Variants in MEA1 observed in about 807,000 individuals in gnomAD.
MEA1 encodes Male-enhanced antigen (H-Y structural gene).
Under a neutral mutation model 21.4 loss-of-function variants are expected in MEA1, and 22 were observed. The observed-to-expected ratio is 1.03, with a 90% CI of 0.73 to 1.47. The LOEUF (loss-of-function observed/expected upper bound fraction) is 1.47. MEA1 is among the 40% of genes most tolerant of loss of function. The pLI, the probability that MEA1 is intolerant of heterozygous loss-of-function variation, is 0.00. For missense variants in MEA1, 233 were observed against 230.5 expected (o/e 1.01, Z -0.07); for synonymous variants, 91 against 85.5 (o/e 1.06, Z -0.35).
chr6:43,013,581 C>A, intron 1 of MEA1, 192 bp from the exon 2 acceptor site: 1 of 810,896 alleles, frequency 1.2e-6, no homozygotes. Context: ...TTATCTTGAA[C>A]CAGGCCCCAC....
Position 43,012,490 on chromosome 6 carries a change from C to A in MEA1, c.538G>T (p.Ala180Ser). 2 of 1,601,668 alleles carry A rather than the reference C, an allele frequency of 1.2e-6. No homozygotes were observed. The highest frequency in any genetic ancestry group is 1.7e-6 in the Non-Finnish European group (2 of 1,175,712). ...VVQKALQARQ[A>S]SPAWK ...TGTGGTCACTTCCAGGCAGGGGATG[C>A]CTGCCGGGCTTGGAGGGCTTTCTGT... Residue 180 changes from alanine (A) to serine (S), a missense_variant, in exon 4 of 4, where the codon GCA becomes TCA. Physicochemically the swap from Ala to Ser is moderately conservative, Grantham distance 99 (BLOSUM62 1). Coordinates refer to ENST00000244711, the MANE Select transcript of MEA1 (RefSeq NM_014623.4).
rs372983071 is a variant in MEA1 at position 43,011,298 on chromosome 6, C to G, written c.*1172G>C. ...AGGAGGCTCTCTGACCCCTCACGTTCCTACCACAGGGCCACAGCCCACACA... is the reference window on the plus strand; with the variant it reads ...AGGAGGCTCTCTGACCCCTCACGTTGCTACCACAGGGCCACAGCCCACACA... On this transcript the variant is annotated 3_prime_UTR_variant, in exon 4 of 4. Transcript: ENST00000244711. 422 of 1,613,378 alleles carry G rather than the reference C, an allele frequency of 2.6e-4. No individual in the cohort carries two copies. The highest frequency in any genetic ancestry group is 3.3e-4 in the Non-Finnish European group (391 of 1,179,934).
Position 43,011,200 on chromosome 6 carries a change from C to A in MEA1, c.*1270G>T, listed in dbSNP as rs762989587. Reference sequence around the variant, plus strand: ...AGTGCTGCTGCGGAGGAAGTCGGAGCTGCCCCAGGACGTGTACACCATCAA... The same window carrying A: ...AGTGCTGCTGCGGAGGAAGTCGGAGATGCCCCAGGACGTGTACACCATCAA... On this transcript the variant is annotated 3_prime_UTR_variant, in exon 4 of 4. Coordinates refer to ENST00000244711, the MANE Select transcript of MEA1 (RefSeq NM_014623.4). 6.2e-7 allele frequency: 1 copy of A among 1,614,020 alleles called. No homozygotes were observed. Among genetic ancestry groups the A allele is most frequent in the East Asian group, 2.2e-5 (1 of 44,900 alleles).
chr6:43,012,840 G>T, intron 3 of MEA1, 86 bp downstream of exon 3: 2 of 1,342,698 alleles, frequency 1.5e-6, no homozygotes, highest in Non-Finnish European at 2.1e-6. Flanking sequence ...TTTTAGGATA[G>T]GGTCTTCCTC....
rs1364005154 is a variant in MEA1, at chr6:43,013,539, C to T, written c.29-150G>A. ...TCCACCCCTCCGCCCCAATTCCAGC[C>T]TCTCGTTCCTCCCCCTCCTAAGTCG... On this transcript the variant is annotated intron_variant, in intron 1 of 3. Transcript: ENST00000244711. The T allele has an allele frequency of 3.3e-6, 3 of 910,164 alleles. No homozygotes were observed. In the African/African-American group the frequency reaches 5.0e-5, roughly 15 times the overall value. 56.4% of individuals were successfully genotyped at this position (910,164 alleles called of 1,614,324 possible).
intron 1 of MEA1, 51 bp from the exon 2 acceptor site, chr6:43,013,440 T>A: frequency 6.3e-7 from 1 of 1,577,358 alleles, no homozygotes; most frequent in South Asian, 1.1e-5. Flanking sequence ...ACCAGGCCCA[T>A]CTTCATCCTC....
intron 1 of MEA1, 153 bp from the exon 2 acceptor site, chr6:43,013,542 T>C: frequency 1.1e-6 from 1 of 904,138 alleles, no homozygotes; most frequent in African/African-American, 1.7e-5. Context: ...TTCCAGCCTC[T>C]CGTTCCTCCC....
Position 43,012,230 on chromosome 6 carries a change from T to C in MEA1, c.*240A>G. The C allele has an allele frequency of 1.8e-5, 22 of 1,203,956 alleles. No individual in the cohort carries two copies. Among genetic ancestry groups the C allele is most frequent in the Non-Finnish European group, 2.3e-5 (22 of 967,558 alleles). 74.6% of individuals were successfully genotyped at this position (1,203,956 alleles called of 1,614,324 possible). A position where few individuals can be genotyped will look rare whatever the true frequency, so the allele number is the denominator to read the frequency against. ...CCAGGGGCGCAGGCAGTGCGGCTTT[T>C]GGCTGTGTACATAGGGTGCTTTATT... is the stretch of plus-strand genomic sequence containing the variant. On this transcript the variant is annotated 3_prime_UTR_variant, in exon 4 of 4. Coordinates refer to ENST00000244711, the MANE Select transcript of MEA1 (RefSeq NM_014623.4).
chr6:43,012,697 C>A, intron 3 of MEA1, 76 bp from the exon 4 acceptor site: 1 of 1,498,528 alleles, frequency 6.7e-7, no homozygotes, highest in Admixed American at 2.3e-5. Flanking sequence ...CGAATCAACC[C>A]AGAGCCCTTG....
Position 43,013,111 on chromosome 6 carries a change from C to G in MEA1, c.303+4G>C. On this transcript the variant is annotated splice_donor_region_variant and intron_variant, in intron 2 of 3. Coordinates refer to ENST00000244711, the MANE Select transcript of MEA1 (RefSeq NM_014623.4). ...GTTCAGGAACCATCCCTCCTCCACC[C>G]TACCTGGATTCGATCCTGGATGTCA... is the stretch of plus-strand genomic sequence containing the variant. 1.2e-6 allele frequency: 2 copies of G among 1,614,108 alleles called. No homozygotes were observed. The highest frequency in any genetic ancestry group is 1.7e-6 in the Non-Finnish European group (2 of 1,180,036).
upstream of MEA1, chr6:43,014,039 C>CA: frequency 2.1e-6 from 3 of 1,421,120 alleles, no homozygotes; most frequent in East Asian, 2.5e-5. Context: ...ATTCCCAGCC[C>CA]AAAAAACAAA....
At chr6:43,016,840 TG>T, upstream of MEA1, 1 of 269,796 alleles carries the variant, frequency 3.7e-6, no homozygotes, top group Non-Finnish European at 7.2e-6. Context: ...AGGGACAGAG[TG>T]GAGCCTCCAC....
chr6:43,013,675 T>C (rs866680832), intron 1 of MEA1, 111 bp downstream of exon 1: 3 of 1,179,314 alleles, frequency 2.5e-6, no homozygotes, highest in Middle Eastern at 2.0e-4. Context: ...GAACCCCGGC[T>C]CCCCGCGCCA....
intron 3 of MEA1, 69 bp downstream of exon 3, chr6:43,012,857 T>G: frequency 1.4e-6 from 2 of 1,459,790 alleles, no homozygotes; most frequent in Non-Finnish European, 1.9e-6. Flanking sequence ...CCTCTGAAAC[T>G]TCCTTCTACT....
At chr6:43,014,004 G>A (rs1009957805), upstream of MEA1, 11 of 1,420,784 alleles carry the variant, frequency 7.7e-6, no homozygotes, top group Middle Eastern at 2.6e-4. Flanking sequence ...AGGACGAGGA[G>A]TCCGCCCCTT....
chr6:43,013,856 C>T lies in MEA1; in HGVS notation c.-43G>A, dbSNP rs750104956. 1 of 1,534,184 alleles carries T rather than the reference C, an allele frequency of 6.5e-7. No individual in the cohort carries two copies. The highest frequency in any genetic ancestry group is 8.7e-7 in the Non-Finnish European group (1 of 1,144,150). ...CCCCAGCTGCAGCGTCCCCCACCCG[C>T]CCCCATCCGAATCCCGGCGCCGGTG... On this transcript the variant is annotated 5_prime_UTR_variant, in exon 1 of 4. Transcript: ENST00000244711.
intron 1 of MEA1, 47 bp downstream of exon 1, chr6:43,013,739 G>A: frequency 1.9e-6 from 3 of 1,552,860 alleles, no homozygotes; most frequent in Non-Finnish European, 2.7e-6. Context: ...TAAACAGGTC[G>A]GCGTACCCGC....
chr6:43,014,123 G>T, upstream of MEA1: 2 of 1,416,894 alleles, frequency 1.4e-6, no homozygotes, highest in Middle Eastern at 2.6e-4. Flanking sequence ...CTACGCCCCT[G>T]CCCACTCCTC....
Position 43,013,151 on chromosome 6 carries a change from A to T in MEA1, c.267T>A (p.Asp89Glu). Residue 89 changes from aspartate (D) to glutamate (E), a missense_variant, in exon 2 of 4, where the codon GAT becomes GAA. Transcript: ENST00000244711. Reference protein sequence around the residue: ...QEEVELAPVGDGDVVADIQDR... With the variant: ...QEEVELAPVGEGDVVADIQDR... ...CCTGGATGTCAGCAACTACATCTCC[A>T]TCCCCCACTGGTGCCAGTTCCACCT... The T allele has an allele frequency of 6.2e-7, 1 of 1,613,968 alleles. No homozygotes were observed. The highest frequency in any genetic ancestry group is 8.5e-7 in the Non-Finnish European group (1 of 1,179,918).
Sources: allele counts gnomAD v4.1 joint callset, GRCh38; gene constraint gnomAD v4.1.1; transcripts MANE v1.5; gene names NCBI Gene and HGNC (gene_info 2026-07-23, HGNC 2026-07-21).